Variants in ARHGAP44 observed in about 807,000 individuals in gnomAD.
ARHGAP44 encodes the protein Rho GTPase activating protein 44, also known as rho GTPase-activating protein 44.
A neutral mutation model predicts 106.8 loss-of-function variants in ARHGAP44; 43 were observed. That is an observed-to-expected ratio of 0.40 (90% CI 0.32 to 0.52). The LOEUF (loss-of-function observed/expected upper bound fraction) is 0.52, where lower values mean the gene tolerates loss of function less well. ARHGAP44 is among the 20% of genes least tolerant of loss of function. The pLI is 0.48. For missense variants in ARHGAP44, 866 were observed against 1,050.5 expected, an observed-to-expected ratio of 0.82 and a Z score of 2.43; for synonymous variants, 439 against 410.3, an observed-to-expected ratio of 1.07 and a Z score of -0.85.
chr17:12,961,813 G>A (rs997736523), intron 16 of ARHGAP44, among the ~76,000 whole-genome samples: 52 of 152,304 alleles, frequency 3.4e-4, no homozygotes, highest in African/African-American at 1.2e-3. Flanking sequence ...TAGAGCATCT[G>A]TGCGTACGTT....
intron 5 of ARHGAP44, among the ~76,000 whole-genome samples, chr17:12,919,244 G>A (rs1021829394): frequency 6.6e-5 from 10 of 152,140 alleles, no homozygotes; most frequent in Admixed American, 6.6e-4. Context: ...CCATTAAACC[G>A]TACACCTGAA....
intron 15 of ARHGAP44, among the ~76,000 whole-genome samples, chr17:12,957,024 C>G (rs2039146339): frequency 6.6e-6 from 1 of 152,148 alleles, no homozygotes; most frequent in Admixed American, 6.5e-5. Context: ...CGATCCGGCT[C>G]ATCGCATCCT....
chr17:12,910,636 G>C (rs984800592), intron 4 of ARHGAP44, among the ~76,000 whole-genome samples: 4 of 151,870 alleles, frequency 2.6e-5, no homozygotes, highest in Non-Finnish European at 4.4e-5. Flanking sequence ...AGTAGAGACA[G>C]GGTTTCACCA....
intron 10 of ARHGAP44, among the ~76,000 whole-genome samples, chr17:12,947,370 A>G (rs2038880089): frequency 6.6e-6 from 1 of 152,050 alleles, no homozygotes; most frequent in African/African-American, 2.4e-5. Flanking sequence ...CTGGCCTCTG[A>G]CCACAGGGGC....
intron 1 of ARHGAP44, among the ~76,000 whole-genome samples, chr17:12,805,890 T>C (rs1046398478): frequency 6.6e-6 from 1 of 152,142 alleles, no homozygotes; most frequent in Non-Finnish European, 1.5e-5. Flanking sequence ...TTCAGAGTTA[T>C]TCTGAGTTGG....
chr17:12,917,034 T>C (rs1021120780), intron 5 of ARHGAP44, among the ~76,000 whole-genome samples: 3 of 152,182 alleles, frequency 2.0e-5, no homozygotes, highest in African/African-American at 7.2e-5. Flanking sequence ...GATGCAAATA[T>C]TCCAAAATCC....
At chr17:12,901,970 AAC>A (rs2037386896) in intron 3 of ARHGAP44, among the ~76,000 whole-genome samples, 1 of 146,230 alleles carries the variant, frequency 6.8e-6, no homozygotes, top group Non-Finnish European at 1.5e-5. Flanking sequence ...GCTCTTTCTG[AAC>A]ACAGTGGCTC....
At chr17:12,908,548 CAT>C (rs1187889943) in intron 3 of ARHGAP44, among the ~76,000 whole-genome samples, 2 of 152,144 alleles carry the variant, frequency 1.3e-5, no homozygotes, top group Non-Finnish European at 2.9e-5. Flanking sequence ...CCTTAAGAGA[CAT>C]ATTATTTTTG....
intron 1 of ARHGAP44, among the ~76,000 whole-genome samples, chr17:12,875,770 C>T (rs2036536180): frequency 6.6e-6 from 1 of 152,016 alleles, no homozygotes; most frequent in African/African-American, 2.4e-5. Context: ...ATGGTGAAAC[C>T]CCGTCTCTAC....
chr17:12,793,055 A>G (rs962792379), intron 1 of ARHGAP44, among the ~76,000 whole-genome samples: 4 of 152,150 alleles, frequency 2.6e-5, no homozygotes, highest in African/African-American at 9.7e-5. Flanking sequence ...CATGGTTAGG[A>G]GCACAGGCTT....
chr17:12,984,891 G>A lies in ARHGAP44; in HGVS notation c.2300G>A (p.Gly767Glu), dbSNP rs2039922516. The A allele has an allele frequency of 1.2e-6, 2 of 1,610,042 alleles. No individual in the cohort carries two copies. The highest frequency in any genetic ancestry group is 8.5e-7 in the Non-Finnish European group (1 of 1,177,114). ...EAPMLDGMSP[G>E]ESMSTDLVHF... ...CCCATGCTAGATGGCATGTCCCCTGGGGAAAGCATGTCTACAGGTAACCAA... is the reference window on the plus strand; with the variant it reads ...CCCATGCTAGATGGCATGTCCCCTGAGGAAAGCATGTCTACAGGTAACCAA... The change falls in exon 20 of 21, where the codon GGG (glycine) becomes GAG (glutamate). Residue 767 changes from glycine (G) to glutamate (E), a missense_variant. Gly to Glu is a moderately conservative substitution (Grantham distance 98). Around this residue, in one of 2 missense-constraint regions of ARHGAP44, gnomAD observed 418 missense variants for 403.6 expected, o/e 1.04. Transcript: ENST00000379672.
In ARHGAP44 at chr17:12,894,252, G is replaced by A. The variant is rs147630565; in HGVS notation, c.54-688G>A. On this transcript the variant is annotated intron_variant, in intron 1 of 20. Transcript: ENST00000379672. ...TGAGAGAGAGAGAGAGTGTGTGTGT[G>A]TGTGTGTGCACGTGCGTGCGTGTTG... is the stretch of plus-strand genomic sequence containing the variant. Among the ~76,000 whole-genome samples, 50 of 151,888 alleles carry A rather than the reference G, an allele frequency of 3.3e-4. No individual in the cohort carries two copies. In the East Asian group the frequency reaches 9.7e-3, roughly 30 times the overall value.
rs1447840675 is a variant in ARHGAP44, at chr17:12,929,219, T to G, written c.582+173T>G. The G allele has an allele frequency of 5.5e-6, 3 of 547,058 alleles. No homozygotes were observed. The East Asian group carries it at 9.5e-5, about 17-fold the overall frequency. 33.9% of individuals were successfully genotyped at this position (547,058 alleles called of 1,614,324 possible). On this transcript the variant is annotated intron_variant, in intron 7 of 20. Transcript: ENST00000379672. ...GGAGTCCAGGATGAACCCAAGGAGT[T>G]GGGGCTTTGATGGTGACCTAGACAG...
chr17:12,915,870 T>C (rs766653930), intron 4 of ARHGAP44, 30 bp from the exon 5 acceptor site: 1 of 1,585,472 alleles, frequency 6.3e-7, no homozygotes, highest in South Asian at 1.1e-5. Context: ...TTCAAGAGTA[T>C]TCACTATTTC....
chr17:12,828,802 C>T (rs2035003229), intron 1 of ARHGAP44, among the ~76,000 whole-genome samples: 4 of 151,646 alleles, frequency 2.6e-5, no homozygotes, highest in African/African-American at 4.8e-5. Context: ...CCACCATGCC[C>T]GGCTAATTTT....
Position 12,937,027 on chromosome 17 carries a change from G to A in ARHGAP44, c.583-4029G>A, listed in dbSNP as rs529178406. Among the ~76,000 whole-genome samples the A allele has an allele frequency of 3.9e-5, 6 of 152,326 alleles. No individual in the cohort carries two copies. In the East Asian group the frequency reaches 1.2e-3, roughly 29 times the overall value. On this transcript the variant is annotated intron_variant, in intron 7 of 20. Coordinates refer to ENST00000379672, the MANE Select transcript of ARHGAP44 (RefSeq NM_014859.6). ...GATGTGGTAAGGTGTGGGAGAAGGG[G>A]AAGCATTCATAGTGCTATGATCGGT...
At chr17:12,900,358 G>C (rs778406578) in intron 3 of ARHGAP44, among the ~76,000 whole-genome samples, 127 of 152,086 alleles carry the variant, frequency 8.4e-4, no homozygotes, top group Non-Finnish European at 1.5e-3. Context: ...TTGAACTCCT[G>C]ACCCATGATC....
intron 1 of ARHGAP44, among the ~76,000 whole-genome samples, chr17:12,843,332 T>C (rs1277226592): frequency 6.6e-6 from 1 of 152,164 alleles, no homozygotes; most frequent in East Asian, 1.9e-4. Context: ...CTCACCACGG[T>C]TCTCTTCAGA....
At chr17:12,814,235 G>GTTT (rs773171329) in intron 1 of ARHGAP44, among the ~76,000 whole-genome samples, 1,501 of 87,218 alleles carry the variant, frequency 0.017, 83 homozygotes, top group African/African-American at 0.054. Flanking sequence ...CCAAACTGGT[G>GTTT]TTTTTTTTTT....
Sources: gnomAD v4.1 joint callset for allele counts (sites outside exome capture counted in the v4.1 genomes callset) on GRCh38, gnomAD v4.1.1 for gene constraint, gnomAD v4.1.1 regional missense constraint, MANE v1.5 for transcripts, NCBI Gene and HGNC (gene_info 2026-07-23, HGNC 2026-07-21) for gene names.